The following SLIT3 variants were observed in gnomAD, a reference collection of about 807,000 sequenced individuals.
SLIT3 encodes slit guidance ligand 3.
Under a neutral mutation model 184.0 loss-of-function variants are expected in SLIT3, and 68 were observed. The ratio of observed to expected loss-of-function variants is 0.37; its 90% CI spans 0.30 to 0.45. The LOEUF (loss-of-function observed/expected upper bound fraction) is 0.45, where lower values mean the gene tolerates loss of function less well. Among genes scored for constraint, SLIT3 ranks in the 20% least tolerant of loss-of-function variants. The probability of loss-of-function intolerance (pLI) is 1.00; values close to 1 mark genes in which losing one functional copy is unlikely to be tolerated. For synonymous variants in SLIT3, 831 were observed against 828.6 expected, an observed-to-expected ratio of 1.00 and a Z score of -0.05; for missense variants, 1,707 against 2,026.0, an observed-to-expected ratio of 0.84 and a Z score of 3.02.
intron 14 of SLIT3, among the ~76,000 whole-genome samples, chr5:168,765,914 C>A (rs777214606): frequency 1.3e-5 from 2 of 151,910 alleles, no homozygotes; most frequent in Non-Finnish European, 2.9e-5. Context: ...CACAGACAAG[C>A]TTTAATAGAC....
At chr5:168,667,305 G>A (rs1007102291) in intron 35 of SLIT3, among the ~76,000 whole-genome samples, 11 of 152,180 alleles carry the variant, frequency 7.2e-5, no homozygotes. Flanking sequence ...AGAAACTGAG[G>A]TAGATGCTAT....
At chr5:169,250,799 G>C (rs1399625871) in intron 2 of SLIT3, among the ~76,000 whole-genome samples, 1 of 152,148 alleles carries the variant, frequency 6.6e-6, no homozygotes, top group East Asian at 1.9e-4. Context: ...TGACAGACAA[G>C]CACTTGGGAA....
chr5:168,837,625 T>G (rs1231342823), intron 6 of SLIT3, among the ~76,000 whole-genome samples: 2 of 152,242 alleles, frequency 1.3e-5, no homozygotes, highest in Non-Finnish European at 2.9e-5. Flanking sequence ...TCAATTCAGT[T>G]AATTAATTTC....
At chr5:169,214,547 C>T (rs4867757) in intron 3 of SLIT3, among the ~76,000 whole-genome samples, 46,504 of 152,042 alleles carry the variant, frequency 0.31, 8,104 homozygotes, top group East Asian at 0.69. Context: ...GCGGCAAATC[C>T]GTGTGTGAAA....
chr5:169,207,576 C>T (rs1334573734), intron 3 of SLIT3, among the ~76,000 whole-genome samples: 11 of 152,186 alleles, frequency 7.2e-5, no homozygotes, highest in Non-Finnish European at 1.5e-5. Flanking sequence ...TAACCAAAAT[C>T]ATGATGTGTT....
chr5:168,695,203 G>A (rs988543168), intron 28 of SLIT3, among the ~76,000 whole-genome samples: 1 of 152,142 alleles, frequency 6.6e-6, no homozygotes, highest in Admixed American at 6.5e-5. Context: ...ATAAAGGCCT[G>A]GTTCCAGTAG....
intron 1 of SLIT3, among the ~76,000 whole-genome samples, chr5:169,255,472 T>TA (rs552488897): frequency 2.0e-5 from 3 of 152,068 alleles, no homozygotes; most frequent in Admixed American, 6.5e-5. Context: ...GTTTAAAAAG[T>TA]AAAAAAAGTT....
chr5:169,037,096 C>T (rs148353527), intron 4 of SLIT3, among the ~76,000 whole-genome samples: 1 of 151,554 alleles, frequency 6.6e-6, no homozygotes, highest in Non-Finnish European at 1.5e-5. Flanking sequence ...CCACTCAGCC[C>T]CCACCTCCAT....
At chr5:169,233,049 T>G (rs1035235943) in intron 3 of SLIT3, among the ~76,000 whole-genome samples, 3 of 152,148 alleles carry the variant, frequency 2.0e-5, no homozygotes, top group South Asian at 2.1e-4. Context: ...TATTTTGAGA[T>G]AGAGTCTCGC....
chr5:168,938,771 C>T (rs1762242666), intron 4 of SLIT3, among the ~76,000 whole-genome samples: 1 of 152,104 alleles, frequency 6.6e-6, no homozygotes. Flanking sequence ...GGTGGGACTA[C>T]AGGTGTGCAC....
At chr5:168,899,691 G>C (rs922040516) in intron 4 of SLIT3, among the ~76,000 whole-genome samples, 4 of 152,154 alleles carry the variant, frequency 2.6e-5, no homozygotes, top group African/African-American at 9.7e-5. Context: ...AGAAAGAAAA[G>C]AGTATAAATT....
intron 4 of SLIT3, among the ~76,000 whole-genome samples, chr5:169,042,398 C>A (rs1184870508): frequency 6.6e-6 from 1 of 152,178 alleles, no homozygotes; most frequent in Non-Finnish European, 1.5e-5. Flanking sequence ...CTGCTTTGGA[C>A]TGACCAACTA....
intron 3 of SLIT3, among the ~76,000 whole-genome samples, chr5:169,201,500 C>T (rs1237550587): frequency 6.6e-6 from 1 of 152,160 alleles, no homozygotes; most frequent in African/African-American, 2.4e-5. Flanking sequence ...GTAGCTGTTA[C>T]AGCTACTGTT....
At chr5:169,017,209 A>T (rs746723662) in intron 4 of SLIT3, among the ~76,000 whole-genome samples, 7 of 152,170 alleles carry the variant, frequency 4.6e-5, no homozygotes, top group Non-Finnish European at 7.3e-5. Flanking sequence ...CAGACCTTTA[A>T]GTTAGACATC....
intron 1 of SLIT3, among the ~76,000 whole-genome samples, chr5:169,297,471 T>C (rs574635974): frequency 7.2e-5 from 11 of 152,270 alleles, no homozygotes; most frequent in East Asian, 1.9e-4. Flanking sequence ...AGAAGCAATA[T>C]ACACAGACAC....
chr5:169,198,976 A>ATGTG (rs1554106511), intron 3 of SLIT3, among the ~76,000 whole-genome samples: 1 of 149,218 alleles, frequency 6.7e-6, no homozygotes, highest in Admixed American at 6.7e-5. Context: ...ACACACACAC[A>ATGTG]TATGTGTGTA....
At chr5:168,844,792 G>A in intron 5 of SLIT3, 137 bp from the exon 6 acceptor site, 1 of 675,366 alleles carries the variant, frequency 1.5e-6, no homozygotes, top group East Asian at 2.7e-5. Flanking sequence ...TGCAGAGCCA[G>A]CCTGTCTGCC....
intron 4 of SLIT3, chr5:169,018,763 G>A (rs189531637): frequency 2.0e-5 from 3 of 152,192 alleles, no homozygotes; most frequent in East Asian, 1.9e-4. Flanking sequence ...AAATATCTCC[G>A]ACAACTCTGG....
At chr5:168,887,909 A>G (rs1424560984) in intron 4 of SLIT3, among the ~76,000 whole-genome samples, 4 of 152,200 alleles carry the variant, frequency 2.6e-5, no homozygotes, top group East Asian at 1.9e-4. Context: ...AAAGAATAAA[A>G]TACGTAAATG....
Sources: allele counts gnomAD v4.1 joint callset (sites outside exome capture counted in the v4.1 genomes callset), GRCh38; gene constraint gnomAD v4.1.1; transcripts MANE v1.5; gene names NCBI Gene and HGNC (gene_info 2026-07-23, HGNC 2026-07-21).